The following EPHA5 variants were observed in gnomAD, a reference collection of about 807,000 sequenced individuals.
EPHA5 encodes the protein ephrin type-A receptor 5.
Under a neutral mutation model 105.0 loss-of-function variants are expected in EPHA5, and 60 were observed. The ratio of observed to expected loss-of-function variants is 0.57; its 90% CI spans 0.46 to 0.71. The LOEUF is 0.71. Among genes scored for constraint, EPHA5 ranks in the 30% least tolerant of loss-of-function variants. The probability of loss-of-function intolerance (pLI) is 0.00; values close to 1 mark genes in which losing one functional copy is unlikely to be tolerated. For synonymous variants in EPHA5, 513 were observed against 449.1 expected (o/e 1.14, Z -1.80); for missense variants, 1,218 against 1,274.7 (o/e 0.96, Z 0.68).
At chr4:65,502,254 G>T (rs534579710) in intron 3 of EPHA5, among the ~76,000 whole-genome samples, 3 of 151,362 alleles carry the variant, frequency 2.0e-5, no homozygotes, top group Non-Finnish European at 4.4e-5. Flanking sequence ...AATGAAAAGC[G>T]GGATCTAAGT....
At chr4:65,574,432 A>T in intron 3 of EPHA5, 4 of 431,690 alleles carry the variant, frequency 9.3e-6, no homozygotes, top group Non-Finnish European at 1.1e-5. Flanking sequence ...ACATGTATTC[A>T]TACTCTTGAG....
At chr4:65,643,912 T>A (rs993044954) in intron 1 of EPHA5, among the ~76,000 whole-genome samples, 19 of 152,046 alleles carry the variant, frequency 1.2e-4, no homozygotes, top group African/African-American at 4.6e-4. Flanking sequence ...ATTGTAACAT[T>A]TTTTGTGATA....
intron 3 of EPHA5, among the ~76,000 whole-genome samples, chr4:65,519,082 C>A (rs544201741): frequency 9.2e-5 from 14 of 152,200 alleles, no homozygotes; most frequent in Non-Finnish European, 1.9e-4. Context: ...TTCTGGCAAA[C>A]TGAATCCAGC....
intron 8 of EPHA5, among the ~76,000 whole-genome samples, chr4:65,382,218 C>A (rs1020162174): frequency 1.3e-5 from 2 of 151,294 alleles, no homozygotes; most frequent in African/African-American, 4.8e-5. Context: ...CTATTAGGAC[C>A]TAGAAATATC....
intron 5 of EPHA5, among the ~76,000 whole-genome samples, chr4:65,458,379 A>T (rs1257605921): frequency 6.6e-6 from 1 of 152,106 alleles, no homozygotes; most frequent in Non-Finnish European, 1.5e-5. Flanking sequence ...ACCATTCTAA[A>T]TCTTTTATGC....
At position 65,353,120 on chromosome 4, in the gene EPHA5, G is replaced by A. The variant is rs1202096213; in HGVS notation, c.2174-17C>T. 1 of 1,532,410 alleles carries A rather than the reference G, an allele frequency of 6.5e-7. No individual in the cohort carries two copies. The highest frequency in any genetic ancestry group is 2.0e-5 in the Admixed American group (1 of 50,742). 94.9% of individuals were successfully genotyped at this position (1,532,410 alleles called of 1,614,324 possible). A position where few individuals can be genotyped will look rare whatever the true frequency, so the allele number is the denominator to read the frequency against. On this transcript the variant is annotated splice_polypyrimidine_tract_variant and intron_variant, in intron 11 of 16. Coordinates refer to ENST00000613740, the MANE Select transcript of EPHA5 (RefSeq NM_001281766.3). ...CTGGTTTACCTGAAAAGAAAACAGAGTGATATAACCTGCTGCTCTTCGATT... is the reference window on the plus strand; with the variant it reads ...CTGGTTTACCTGAAAAGAAAACAGAATGATATAACCTGCTGCTCTTCGATT...
At chr4:65,510,260 G>A (rs1195836190) in intron 3 of EPHA5, among the ~76,000 whole-genome samples, 1 of 150,096 alleles carries the variant, frequency 6.7e-6, no homozygotes, top group Non-Finnish European at 1.5e-5. Context: ...GGTCAGGCTG[G>A]TCTCGAACTC....
intron 8 of EPHA5, among the ~76,000 whole-genome samples, chr4:65,375,594 C>T (rs771937389): frequency 2.8e-4 from 42 of 151,938 alleles, no homozygotes; most frequent in South Asian, 1.2e-3. Flanking sequence ...AATGTTCACA[C>T]TTCCATTGAA....
chr4:65,391,079 A>T (rs1182500325), intron 8 of EPHA5, among the ~76,000 whole-genome samples: 1 of 152,050 alleles, frequency 6.6e-6, no homozygotes, highest in African/African-American at 2.4e-5. Context: ...TGGTAAGAGC[A>T]CATTATAAAA....
intron 15 of EPHA5, among the ~76,000 whole-genome samples, chr4:65,335,330 A>G (rs188900570): frequency 2.6e-5 from 4 of 152,184 alleles, no homozygotes; most frequent in African/African-American, 7.2e-5. Flanking sequence ...TTCATGTGCT[A>G]TTCAGAAAAG....
intron 3 of EPHA5, among the ~76,000 whole-genome samples, chr4:65,582,720 A>G (rs1236992929): frequency 1.3e-5 from 2 of 151,654 alleles, no homozygotes; most frequent in African/African-American, 4.8e-5. Context: ...GTGTGTGTGC[A>G]ATTTTAATTA....
intron 3 of EPHA5, among the ~76,000 whole-genome samples, chr4:65,566,210 T>C (rs1179095021): frequency 6.6e-6 from 1 of 151,746 alleles, no homozygotes; most frequent in Non-Finnish European, 1.5e-5. Flanking sequence ...ATTCCATTCA[T>C]GCAACAAAGA....
chr4:65,371,973 A>G (rs1374265083), intron 8 of EPHA5, among the ~76,000 whole-genome samples: 1 of 151,946 alleles, frequency 6.6e-6, no homozygotes, highest in Non-Finnish European at 1.5e-5. Flanking sequence ...CTTTTCCTAT[A>G]TATTGAAGCA....
intron 2 of EPHA5, among the ~76,000 whole-genome samples, chr4:65,639,846 C>T (rs1421800868): frequency 1.3e-5 from 2 of 152,102 alleles, no homozygotes; most frequent in East Asian, 1.9e-4. Flanking sequence ...TCTCTGTGCT[C>T]AAATCTGCTG....
intron 2 of EPHA5, among the ~76,000 whole-genome samples, chr4:65,613,070 T>A (rs1387704327): frequency 6.6e-6 from 1 of 151,934 alleles, no homozygotes; most frequent in Non-Finnish European, 1.5e-5. Context: ...AAAATAGGGG[T>A]CCAATTTCAT....
intron 5 of EPHA5, among the ~76,000 whole-genome samples, chr4:65,436,564 G>A (rs1725500709): frequency 6.6e-6 from 1 of 151,844 alleles, no homozygotes; most frequent in African/African-American, 2.4e-5. Context: ...AAACTAATTG[G>A]TACCACATGC....
intron 3 of EPHA5, among the ~76,000 whole-genome samples, chr4:65,591,071 C>T (rs1389522091): frequency 6.6e-6 from 1 of 152,012 alleles, no homozygotes; most frequent in Non-Finnish European, 1.5e-5. Context: ...TACTGACCTT[C>T]ATGAAATTTT....
At chr4:65,410,454 A>AG (rs1722807883) in intron 7 of EPHA5, among the ~76,000 whole-genome samples, 5 of 152,318 alleles carry the variant, frequency 3.3e-5, no homozygotes, top group African/African-American at 1.2e-4. Context: ...CTTATTAAAA[A>AG]GCAACACAAG....
rs901146883 is a variant in EPHA5 at position 65,348,266 on chromosome 4, G to A, written c.2446-63C>T. Reference sequence around the variant, plus strand: ...TTCAAATGTGCCTAGGGACAGTGTTGCCTCACTGAAAAGATCTAGACAGAG... The same window carrying A: ...TTCAAATGTGCCTAGGGACAGTGTTACCTCACTGAAAAGATCTAGACAGAG... On this transcript the variant is annotated intron_variant, in intron 13 of 16. Coordinates refer to ENST00000613740, the MANE Select transcript of EPHA5 (RefSeq NM_001281766.3). 2.8e-6 allele frequency: 4 copies of A among 1,448,788 alleles called. No homozygotes were observed. The African/African-American group carries it at 5.7e-5, about 21-fold the overall frequency. The allele number at this position is 1,448,788 out of a possible 1,614,324, so 89.7% of individuals were successfully genotyped here. A position where few individuals can be genotyped will look rare whatever the true frequency, so the allele number is the denominator to read the frequency against.
Sources: allele counts gnomAD v4.1 joint callset (sites outside exome capture counted in the v4.1 genomes callset), GRCh38; gene constraint gnomAD v4.1.1; transcripts MANE v1.5; gene names NCBI Gene and HGNC (gene_info 2026-07-23, HGNC 2026-07-21).